EYS: variants seen among roughly 807,000 people sequenced by gnomAD.
EYS encodes the protein EGF-like photoreceptor maintenance factor.
A neutral mutation model predicts 282.1 loss-of-function variants in EYS; 250 were observed. The observed-to-expected ratio is 0.89, with a 90% CI of 0.80 to 0.98. EYS has a LOEUF of 0.98. Among genes scored for constraint, EYS ranks in the 50% least tolerant of loss-of-function variants. The pLI is 0.00. For missense variants in EYS, 4,016 were observed against 3,709.0 expected (o/e 1.08, Z -2.15); for synonymous variants, 1,355 against 1,282.9 (o/e 1.06, Z -1.20).
chr6:64,619,991 A>T (rs1403017040), intron 23 of EYS, among the ~76,000 whole-genome samples: 1 of 152,202 alleles, frequency 6.6e-6, no homozygotes, highest in Non-Finnish European at 1.5e-5. Context: ...AAACTGAGAA[A>T]AACATTAAGG....
intron 5 of EYS, among the ~76,000 whole-genome samples, chr6:65,448,223 G>A (rs555143909): frequency 2.0e-5 from 3 of 152,116 alleles, no homozygotes; most frequent in East Asian, 1.9e-4. Flanking sequence ...ATCAGGAATT[G>A]TAATCTCACA....
intron 35 of EYS, among the ~76,000 whole-genome samples, chr6:63,975,003 A>C (rs1238374084): frequency 1.3e-5 from 2 of 151,954 alleles, no homozygotes; most frequent in Non-Finnish European, 2.9e-5. Context: ...TAAGCAACTA[A>C]AAACCCTACA....
chr6:64,332,046 G>A (rs548179149), intron 29 of EYS, among the ~76,000 whole-genome samples: 4 of 152,318 alleles, frequency 2.6e-5, no homozygotes, highest in African/African-American at 9.6e-5. Context: ...TAACGCAGAT[G>A]TTAAAAATCA....
intron 12 of EYS, among the ~76,000 whole-genome samples, chr6:65,275,241 C>T (rs1768014494): frequency 6.6e-6 from 1 of 152,170 alleles, no homozygotes; most frequent in Admixed American, 6.6e-5. Context: ...TAACTATGCT[C>T]CTTTTGAGAA....
chr6:63,799,786 T>G (rs1455555129), intron 37 of EYS, among the ~76,000 whole-genome samples: 1 of 152,192 alleles, frequency 6.6e-6, no homozygotes, highest in Non-Finnish European at 1.5e-5. Context: ...AAACCACAAG[T>G]GCTATGTAGG....
At chr6:65,083,765 C>T (rs2150173008) in intron 12 of EYS, among the ~76,000 whole-genome samples, 1 of 151,748 alleles carries the variant, frequency 6.6e-6, no homozygotes, top group Admixed American at 6.6e-5. Context: ...AGTATGCTTT[C>T]TATTAGAGTT....
intron 36 of EYS, among the ~76,000 whole-genome samples, chr6:63,848,705 T>A (rs1977622): frequency 2.0e-5 from 3 of 151,924 alleles, no homozygotes; most frequent in Non-Finnish European, 4.4e-5. Flanking sequence ...GGAGATTCTC[T>A]CAGGTGCCTA....
intron 2 of EYS, among the ~76,000 whole-genome samples, chr6:65,512,108 A>G (rs1766898712): frequency 1.3e-5 from 2 of 151,910 alleles, no homozygotes; most frequent in African/African-American, 4.8e-5. Context: ...TCAGGTTACC[A>G]TTTCTGTGAA....
intron 12 of EYS, among the ~76,000 whole-genome samples, chr6:65,214,931 C>G (rs892715814): frequency 6.6e-6 from 1 of 152,032 alleles, no homozygotes; most frequent in African/African-American, 2.4e-5. Flanking sequence ...GGATGGTTTA[C>G]TCAATATTTT....
At chr6:65,078,678 G>T (rs1561954690) in intron 12 of EYS, among the ~76,000 whole-genome samples, 1 of 151,962 alleles carries the variant, frequency 6.6e-6, no homozygotes, top group Non-Finnish European at 1.5e-5. Context: ...ATCAAATTTA[G>T]GTACATTTTC....
At chr6:63,730,253 T>C (rs1042283736) in intron 41 of EYS, among the ~76,000 whole-genome samples, 1 of 152,240 alleles carries the variant, frequency 6.6e-6, no homozygotes, top group Non-Finnish European at 1.5e-5. Flanking sequence ...CTATCAACTC[T>C]TGATTAGACC....
chr6:64,622,478 G>C (rs1767476374), intron 23 of EYS, among the ~76,000 whole-genome samples: 1 of 152,084 alleles, frequency 6.6e-6, no homozygotes, highest in African/African-American at 2.4e-5. Flanking sequence ...AGACTGTCTG[G>C]TGGGGAAAAC....
chr6:65,129,639 T>A (rs1290946112), intron 12 of EYS, among the ~76,000 whole-genome samples: 4 of 151,812 alleles, frequency 2.6e-5, no homozygotes, highest in Non-Finnish European at 5.9e-5. Context: ...TCGGAATAGC[T>A]ATAATCAGAA....
intron 22 of EYS, among the ~76,000 whole-genome samples, chr6:64,665,086 T>A (rs1282129832): frequency 6.6e-6 from 1 of 152,244 alleles, no homozygotes; most frequent in African/African-American, 2.4e-5. Context: ...ATGATACAAC[T>A]GTGATACAAA....
intron 28 of EYS, among the ~76,000 whole-genome samples, chr6:64,405,343 C>T (rs973946221): frequency 3.3e-5 from 5 of 152,030 alleles, no homozygotes; most frequent in Non-Finnish European, 5.9e-5. Flanking sequence ...TGGTTTGGAG[C>T]TATTTATGAC....
Position 64,640,695 on chromosome 6 carries a change from T to G in EYS, c.3444-14450A>C, listed in dbSNP as rs527779736. On this transcript the variant is annotated intron_variant, in intron 22 of 42. Coordinates refer to ENST00000503581, the MANE Select transcript of EYS (RefSeq NM_001142800.2). ...GTAACTAACCTGCACATTGTGCACA[T>G]GTACCCTAAAACTTAAAGTATAATA... is the stretch of plus-strand genomic sequence containing the variant. 3.9e-5 allele frequency among the ~76,000 whole-genome samples: 6 copies of G among 152,116 alleles called. 1 individual carries two copies. Among genetic ancestry groups the G allele is most frequent in the Admixed American group, 3.9e-4 (6 of 15,266 alleles).
chr6:65,141,637 G>T lies in EYS; in HGVS notation c.2024-83910C>A, dbSNP rs1223230912. 1.3e-4 allele frequency among the ~76,000 whole-genome samples: 9 copies of T among 68,032 alleles called. No homozygotes were observed. The East Asian group carries it at 2.9e-3, about 22-fold the overall frequency. The allele number at this position is 68,032 out of a possible 152,430, so 44.6% of individuals were successfully genotyped here. A position where few individuals can be genotyped will look rare whatever the true frequency, so the allele number is the denominator to read the frequency against. On this transcript the variant is annotated intron_variant, in intron 12 of 42. Transcript: ENST00000503581. ...CTGAAGTCAGTGAGTCAGTCTGTCT[G>T]TCTGTCTGTCTGTCTATCTATCTAT... is the stretch of plus-strand genomic sequence containing the variant.
chr6:64,320,475 T>G (rs1028844540), intron 29 of EYS, among the ~76,000 whole-genome samples: 1 of 151,882 alleles, frequency 6.6e-6, no homozygotes, highest in Non-Finnish European at 1.5e-5. Flanking sequence ...TAAACAAACA[T>G]AGTTGAGGTA....
chr6:65,380,836 T>A lies in EYS; in HGVS notation c.1299+3550A>T, dbSNP rs145345504. Among the ~76,000 whole-genome samples, 4 of 151,896 alleles carry A rather than the reference T, an allele frequency of 2.6e-5. No individual in the cohort carries two copies. In the East Asian group the frequency reaches 7.8e-4, roughly 29 times the overall value. ...ATCAACAGACACCCATCAAAAGAAG[T>A]CATTTATGCAGCCAGCAAACATATA... On this transcript the variant is annotated intron_variant, in intron 8 of 42. Coordinates refer to ENST00000503581, the MANE Select transcript of EYS (RefSeq NM_001142800.2).
Sources: gnomAD v4.1 joint callset for allele counts (sites outside exome capture counted in the v4.1 genomes callset) on GRCh38, gnomAD v4.1.1 for gene constraint, MANE v1.5 for transcripts, NCBI Gene and HGNC (gene_info 2026-07-23, HGNC 2026-07-21) for gene names.